The following EPHA6 variants were observed in gnomAD, a reference collection of about 807,000 sequenced individuals.
The protein encoded by EPHA6 is ephrin type-A receptor 6.
Under a neutral mutation model 112.0 loss-of-function variants are expected in EPHA6, and 50 were observed. That is an observed-to-expected ratio of 0.45 (90% confidence interval 0.36 to 0.56). The LOEUF (loss-of-function observed/expected upper bound fraction) is 0.56. Among genes scored for constraint, EPHA6 ranks in the 20% least tolerant of loss-of-function variants. EPHA6 has a pLI of 0.00. For synonymous variants in EPHA6, 529 were observed against 490.7 expected (o/e 1.08, Z -1.03); for missense variants, 1,280 against 1,417.4 (o/e 0.90, Z 1.56).
intron 5 of EPHA6, among the ~76,000 whole-genome samples, chr3:97,260,242 G>T (rs192763438): frequency 0.013 from 1,935 of 152,332 alleles, 35 homozygotes; most frequent in African/African-American, 0.042. Flanking sequence ...CATTTGGGTT[G>T]CCCTAACAGA....
rs553138527 is a variant in EPHA6, at chr3:97,026,987, G to A, written c.1114+38994G>A. 6.0e-4 allele frequency among the ~76,000 whole-genome samples: 92 copies of A among 152,230 alleles called. 1 individual carries two copies. The highest frequency in any genetic ancestry group is 2.2e-3 in the Admixed American group (33 of 15,274). Reference sequence around the variant, plus strand: ...CATTCTATTATAAAGTCACATGAATGTGTATGTTCATTACAGCACTGTTCA... The same window carrying A: ...CATTCTATTATAAAGTCACATGAATATGTATGTTCATTACAGCACTGTTCA... On this transcript the variant is annotated intron_variant, in intron 3 of 17. Coordinates refer to ENST00000389672, the MANE Select transcript of EPHA6 (RefSeq NM_001080448.3).
chr3:97,166,128 A>G (rs1425646081), intron 3 of EPHA6, among the ~76,000 whole-genome samples: 2 of 152,158 alleles, frequency 1.3e-5, no homozygotes, highest in Non-Finnish European at 2.9e-5. Flanking sequence ...TCCCAAAGGA[A>G]GTTTTAATTT....
At chr3:97,333,099 A>G (rs1177858218) in intron 5 of EPHA6, among the ~76,000 whole-genome samples, 1 of 152,110 alleles carries the variant, frequency 6.6e-6, no homozygotes, top group Non-Finnish European at 1.5e-5. Flanking sequence ...GTTTATGAAC[A>G]GAGTATATTT....
At chr3:96,956,765 T>TG (rs567903433) in intron 2 of EPHA6, among the ~76,000 whole-genome samples, 108 of 152,182 alleles carry the variant, frequency 7.1e-4, no homozygotes, top group African/African-American at 2.4e-3. Context: ...CTGGGTGCAG[T>TG]GGTTCAGGCC....
At chr3:97,125,757 A>T (rs1375011077) in intron 3 of EPHA6, among the ~76,000 whole-genome samples, 1 of 152,234 alleles carries the variant, frequency 6.6e-6, no homozygotes, top group Non-Finnish European at 1.5e-5. Flanking sequence ...TTTAATTATC[A>T]GTTAAATTAC....
intron 3 of EPHA6, among the ~76,000 whole-genome samples, chr3:97,218,288 A>C (rs2078090628): frequency 6.6e-6 from 1 of 152,038 alleles, no homozygotes; most frequent in Admixed American, 6.6e-5. Context: ...AAAAATGTAA[A>C]ACCATTCTTA....
intron 5 of EPHA6, among the ~76,000 whole-genome samples, chr3:97,379,484 C>T (rs2109013839): frequency 6.6e-6 from 1 of 151,904 alleles, no homozygotes; most frequent in South Asian, 2.1e-4. Flanking sequence ...GGCATGGTGG[C>T]TCACGACTGT....
At chr3:97,020,761 GT>G (rs1203020002) in intron 3 of EPHA6, among the ~76,000 whole-genome samples, 3 of 151,974 alleles carry the variant, frequency 2.0e-5, no homozygotes, top group African/African-American at 7.2e-5. Context: ...ACACCTTTAG[GT>G]TTTTTTAAAT....
chr3:96,895,379 G>A (rs1326702085), intron 2 of EPHA6, among the ~76,000 whole-genome samples: 1 of 151,990 alleles, frequency 6.6e-6, no homozygotes, highest in Non-Finnish European at 1.5e-5. Context: ...TTTTATAAAA[G>A]GGCCAACATT....
intron 5 of EPHA6, among the ~76,000 whole-genome samples, chr3:97,385,649 C>T (rs1437303587): frequency 6.6e-6 from 1 of 152,050 alleles, no homozygotes; most frequent in Non-Finnish European, 1.5e-5. Context: ...AAAGACATAC[C>T]TGGGAATGGG....
chr3:97,243,538 C>G (rs1181042059), intron 4 of EPHA6, among the ~76,000 whole-genome samples: 4 of 151,550 alleles, frequency 2.6e-5, no homozygotes, highest in Non-Finnish European at 5.9e-5. Flanking sequence ...GAAAAACTTA[C>G]AACAATGTGT....
chr3:97,467,754 C>T (rs576640046), intron 7 of EPHA6, among the ~76,000 whole-genome samples: 2 of 151,644 alleles, frequency 1.3e-5, no homozygotes, highest in South Asian at 2.1e-4. Context: ...GGATGTTGAC[C>T]GTAGTTTCAG....
chr3:97,655,384 T>C (rs567299894), intron 14 of EPHA6, among the ~76,000 whole-genome samples: 2 of 151,830 alleles, frequency 1.3e-5, no homozygotes, highest in African/African-American at 4.8e-5. Flanking sequence ...CTCTTACCTC[T>C]GAGACTCTTG....
chr3:97,373,008 C>T (rs1306672083), intron 5 of EPHA6, among the ~76,000 whole-genome samples: 1 of 152,042 alleles, frequency 6.6e-6, no homozygotes, highest in Non-Finnish European at 1.5e-5. Flanking sequence ...GTATGGATGT[C>T]CATTACATTA....
intron 13 of EPHA6, among the ~76,000 whole-genome samples, chr3:97,628,088 G>T (rs1454642836): frequency 6.6e-6 from 1 of 151,944 alleles, no homozygotes; most frequent in Non-Finnish European, 1.5e-5. Context: ...GGATCACTCT[G>T]TTTGCTGTAT....
chr3:97,330,458 T>A (rs571910872), intron 5 of EPHA6, among the ~76,000 whole-genome samples: 1 of 152,296 alleles, frequency 6.6e-6, no homozygotes, highest in African/African-American at 2.4e-5. Flanking sequence ...GAGCATGGAA[T>A]GTTCTTCCAT....
At chr3:97,237,232 C>G (rs2078705878) in intron 4 of EPHA6, among the ~76,000 whole-genome samples, 1 of 151,270 alleles carries the variant, frequency 6.6e-6, no homozygotes, top group South Asian at 2.1e-4. Flanking sequence ...CTTCACTTAT[C>G]ATAAAAATAA....
At chr3:97,443,574 G>A (rs2090216797) in intron 6 of EPHA6, among the ~76,000 whole-genome samples, 1 of 152,042 alleles carries the variant, frequency 6.6e-6, no homozygotes, top group African/African-American at 2.4e-5. Context: ...TTCCATGCAA[G>A]ACTGGGTGAT....
At chr3:97,380,697 A>T (rs2085673569) in intron 5 of EPHA6, among the ~76,000 whole-genome samples, 1 of 152,210 alleles carries the variant, frequency 6.6e-6, no homozygotes, top group Admixed American at 6.5e-5. Context: ...CAGTATATTT[A>T]AAAAATGTAA....
Sources: gnomAD v4.1 joint callset for allele counts (sites outside exome capture counted in the v4.1 genomes callset) on GRCh38, gnomAD v4.1.1 for gene constraint, MANE v1.5 for transcripts, NCBI Gene and HGNC (gene_info 2026-07-23, HGNC 2026-07-21) for gene names.